MOB2: variants seen among roughly 807,000 people sequenced by gnomAD.
MOB2 encodes MOB2 Mps One Binder homolog.
A neutral mutation model predicts 27.4 loss-of-function variants in MOB2; 14 were observed. The ratio of observed to expected loss-of-function variants is 0.51; its 90% CI spans 0.34 to 0.80. The LOEUF (loss-of-function observed/expected upper bound fraction) is 0.80. MOB2 is among the 30% of genes least tolerant of loss of function. The pLI is 0.01. For missense variants in MOB2, 304 were observed against 354.6 expected, an observed-to-expected ratio of 0.86 and a Z score of 1.15; for synonymous variants, 167 against 151.8, an observed-to-expected ratio of 1.10 and a Z score of -0.74.
chr11:1,475,333 G>T (rs1471542867), intron 3 of MOB2, among the ~76,000 whole-genome samples: 2 of 151,886 alleles, frequency 1.3e-5, no homozygotes, highest in Admixed American at 6.6e-5. Flanking sequence ...CGTGTGCACA[G>T]GGATACAGCA....
In MOB2 at chr11:1,470,307, G is replaced by C; in HGVS notation, c.672C>G (p.Asp224Glu). Residue 224 changes from aspartate (D) to glutamate (E), a missense_variant, in exon 5 of 5, where the codon GAC (aspartate) becomes GAG (glutamate). Coordinates refer to ENST00000329957, the MANE Select transcript of MOB2 (RefSeq NM_001172223.3). ...CGTCCATGATGGCGGTCTCTTTGGGGTCCAGCAGGTTGAACTCCCGAGCAA... is the reference window on the plus strand; with the variant it reads ...CGTCCATGATGGCGGTCTCTTTGGGCTCCAGCAGGTTGAACTCCCGAGCAA... ...ILFAREFNLL[D>E]PKETAIMDDL... 6.2e-7 allele frequency: 1 copy of C among 1,613,426 alleles called. No homozygotes were observed. The highest frequency in any genetic ancestry group is 8.5e-7 in the Non-Finnish European group (1 of 1,179,906).
In MOB2 at chr11:1,471,302, T is replaced by G. The variant is rs1324479596; in HGVS notation, c.483A>C (p.Thr161=). The G allele has an allele frequency of 1.2e-6, 2 of 1,612,854 alleles. No homozygotes were observed. Among genetic ancestry groups the G allele is most frequent in the South Asian group, 2.2e-5 (2 of 91,014 alleles). ...GTGCTGGGGGAGACGAACCGTATTT[T>G]GTGGGGAACACGTCCTCATCCGTCA... ...KLVTDEDVFP[T]KYGREFPSSF... The change falls in exon 4 of 5, where the codon ACA becomes ACC. Residue 161 remains threonine, a synonymous_variant. Coordinates refer to ENST00000329957, the MANE Select transcript of MOB2 (RefSeq NM_001172223.3).
intron 3 of MOB2, among the ~76,000 whole-genome samples, chr11:1,475,184 T>A (rs1388021078): frequency 6.6e-6 from 1 of 152,248 alleles, no homozygotes; most frequent in Non-Finnish European, 1.5e-5. Context: ...TTGGAGCTAT[T>A]ATAAATGGCA....
intron 4 of MOB2, among the ~76,000 whole-genome samples, 194 bp from the exon 5 acceptor site, chr11:1,470,682 T>C (rs1275255505): frequency 1.3e-5 from 2 of 152,164 alleles, no homozygotes; most frequent in Admixed American, 6.5e-5. Flanking sequence ...CAACCCCGGG[T>C]CTGGGCTGCT....
chr11:1,470,624 C>T, intron 4 of MOB2, 136 bp from the exon 5 acceptor site: 1 of 1,032,738 alleles, frequency 9.7e-7, no homozygotes, highest in Admixed American at 2.8e-5. Context: ...CCTACAAAGC[C>T]CCAGCAGCAA....
Position 1,470,499 on chromosome 11 carries a change from C to G in MOB2, c.491-11G>C. On this transcript the variant is annotated splice_polypyrimidine_tract_variant and intron_variant, in intron 4 of 4. Transcript: ENST00000329957. ...TGGGGAATTCTCTGCCTGGGGAAGG[C>G]CACCGTGTCACAAGCTGCAGACATC... The G allele has an allele frequency of 6.2e-7, 1 of 1,607,444 alleles. No individual in the cohort carries two copies. The highest frequency in any genetic ancestry group is 8.5e-7 in the Non-Finnish European group (1 of 1,176,156).
At chr11:1,478,310 G>A (rs1015436999) in intron 3 of MOB2, among the ~76,000 whole-genome samples, 4 of 152,274 alleles carry the variant, frequency 2.6e-5, no homozygotes, top group Admixed American at 1.3e-4. Flanking sequence ...CATCACTGGC[G>A]TCTCCACAAA....
Position 1,480,863 on chromosome 11 carries a change from C to T in MOB2, c.133G>A (p.Gly45Ser). The T allele has an allele frequency of 6.4e-7, 1 of 1,562,266 alleles. No individual in the cohort carries two copies. Among genetic ancestry groups the T allele is most frequent in the Non-Finnish European group, 8.7e-7 (1 of 1,153,668 alleles). Residue 45 changes from glycine (G) to serine (S), a missense_variant, in exon 2 of 5, where the codon GGC becomes AGC. Physicochemically the swap from Gly to Ser is moderately conservative, Grantham distance 56. Transcript: ENST00000329957. ...CTCTCCTCCGCAGCGGGCTTCTTGC[C>T]ATTAGGCTTGGCTTTGGACTTCCTG... is the stretch of plus-strand genomic sequence containing the variant. ...VLRKSKAKPN[G>S]KKPAAEERKA...
intron 3 of MOB2, among the ~76,000 whole-genome samples, chr11:1,476,101 G>A (rs910299213): frequency 3.9e-5 from 6 of 152,236 alleles, no homozygotes; most frequent in Non-Finnish European, 5.9e-5. Context: ...ACCTGGAGCA[G>A]GACGGTGGAG....
chr11:1,471,589 C>T (rs549633243), intron 3 of MOB2, 170 bp from the exon 4 acceptor site: 113 of 726,498 alleles, frequency 1.6e-4, no homozygotes, highest in South Asian at 8.7e-4. Flanking sequence ...ACACTGTCTG[C>T]GGGGACCACA....
At position 1,471,311 on chromosome 11, in the gene MOB2, C is replaced by T; in HGVS notation, c.474G>A (p.Val158=). Residue 158 remains valine, a synonymous_variant, in exon 4 of 5, where the codon GTG becomes GTA. Transcript: ENST00000329957. ...SVQKLVTDED[V]FPTKYGREFP... is the part of the protein sequence containing the mutation. ...GAGACGAACCGTATTTTGTGGGGAA[C>T]ACGTCCTCATCCGTCACCAGCTTCT... is the stretch of plus-strand genomic sequence containing the variant. The T allele has an allele frequency of 6.2e-7, 1 of 1,613,072 alleles. No individual in the cohort carries two copies.
At chr11:1,482,563 T>G (rs1416642226) in intron 1 of MOB2, among the ~76,000 whole-genome samples, 1 of 152,158 alleles carries the variant, frequency 6.6e-6, no homozygotes, top group African/African-American at 2.4e-5. Context: ...ACACCTGCTC[T>G]CCTAGAACAC....
At chr11:1,480,633 G>A in intron 2 of MOB2, 92 bp downstream of exon 2, 2 of 1,537,290 alleles carry the variant, frequency 1.3e-6, no homozygotes, top group South Asian at 1.2e-5. Context: ...GCAGGGGGCT[G>A]CTGAGCACCA....
chr11:1,480,364 A>G (rs779453161), intron 3 of MOB2, 29 bp downstream of exon 3: 2 of 1,605,130 alleles, frequency 1.2e-6, no homozygotes, highest in East Asian at 2.2e-5. Context: ...CTCCCAAGAG[A>G]AAGTGGGCTG....
intron 4 of MOB2, 84 bp downstream of exon 4, chr11:1,471,211 C>T: frequency 2.0e-6 from 3 of 1,500,246 alleles, no homozygotes; most frequent in Non-Finnish European, 2.7e-6. Flanking sequence ...CCTCCCGGCA[C>T]AGGAGCTTGG....
intron 1 of MOB2, among the ~76,000 whole-genome samples, chr11:1,485,636 C>A (rs1187801991): frequency 6.6e-6 from 1 of 152,126 alleles, no homozygotes; most frequent in Non-Finnish European, 1.5e-5. Context: ...TCGCCTCACA[C>A]CCCCACCAGG....
At chr11:1,474,799 T>C (rs553734782) in intron 3 of MOB2, among the ~76,000 whole-genome samples, 8 of 152,392 alleles carry the variant, frequency 5.2e-5, no homozygotes, top group African/African-American at 1.9e-4. Flanking sequence ...CTGTGTTCCA[T>C]GGAGCTCTGT....
chr11:1,479,515 T>C (rs1847886706), intron 3 of MOB2, among the ~76,000 whole-genome samples: 1 of 152,236 alleles, frequency 6.6e-6, no homozygotes, highest in Non-Finnish European at 1.5e-5. Flanking sequence ...TGACCCATCA[T>C]GGCCATGAGG....
At chr11:1,474,285 T>C (rs1357518138) in intron 3 of MOB2, among the ~76,000 whole-genome samples, 1 of 152,228 alleles carries the variant, frequency 6.6e-6, no homozygotes, top group Non-Finnish European at 1.5e-5. Flanking sequence ...TGCTGAGTTG[T>C]GTATGTTCTT....
Sources: gnomAD v4.1 joint callset for allele counts (sites outside exome capture counted in the v4.1 genomes callset) on GRCh38, gnomAD v4.1.1 for gene constraint, MANE v1.5 for transcripts, NCBI Gene and HGNC (gene_info 2026-07-23, HGNC 2026-07-21) for gene names.